Variants in ERG28 observed in about 807,000 individuals in gnomAD.
ERG28 encodes ergosterol biosynthetic protein 28 homolog.
ERG28 carries 9 observed loss-of-function variants against 15.7 expected under a neutral mutation model. The ratio of observed to expected loss-of-function variants is 0.57; its 90% confidence interval spans 0.35 to 1.00. ERG28 has a LOEUF of 1.00. ERG28 is among the 50% of genes least tolerant of loss of function. The pLI is 0.02. For synonymous variants in ERG28, 61 were observed against 68.4 expected, an observed-to-expected ratio of 0.89 and a Z score of 0.53; for missense variants, 117 against 173.3, an observed-to-expected ratio of 0.68 and a Z score of 1.82.
At chr14:75,651,983 G>A in intron 3 of ERG28, 94 bp from the exon 4 acceptor site, 1 of 1,107,896 alleles carries the variant, frequency 9.0e-7, no homozygotes, top group Non-Finnish European at 1.3e-6. Context: ...TAAGAACCCA[G>A]GATGTCATTA....
chr14:75,657,739 C>A (rs909600376), intron 1 of ERG28, among the ~76,000 whole-genome samples: 1 of 152,196 alleles, frequency 6.6e-6, no homozygotes, highest in Non-Finnish European at 1.5e-5. Flanking sequence ...ATCAGAACTC[C>A]TTTTTCTGGG....
intron 4 of ERG28, 40 bp from the exon 5 acceptor site, chr14:75,651,674 G>A (rs1012581212): frequency 8.1e-6 from 13 of 1,598,466 alleles, no homozygotes; most frequent in South Asian, 5.5e-5. Flanking sequence ...ACATACATAC[G>A]GTACCTTTCT....
chr14:75,651,918 C>G (rs1216100078), intron 3 of ERG28, 29 bp from the exon 4 acceptor site: 7 of 1,541,922 alleles, frequency 4.5e-6, no homozygotes, highest in Non-Finnish European at 6.3e-6. Context: ...AAATGGGAAC[C>G]AAAGTTACTG....
At chr14:75,659,873 C>G (rs972161341) in intron 1 of ERG28, among the ~76,000 whole-genome samples, 9 of 151,904 alleles carry the variant, frequency 5.9e-5, no homozygotes, top group Non-Finnish European at 1.2e-4. Flanking sequence ...CGCCGCCCCC[C>G]CCCGCCAACT....
Position 75,651,228 on chromosome 14 carries a change from A to G in ERG28, c.*327T>C. 4.9e-6 allele frequency: 1 copy of G among 205,404 alleles called. No homozygotes were observed. The highest frequency in any genetic ancestry group is 9.9e-5 in the South Asian group (1 of 10,106). The allele number at this position is 205,404 out of a possible 1,614,324, so 12.7% of individuals were successfully genotyped here. A position where few individuals can be genotyped will look rare whatever the true frequency, so the allele number is the denominator to read the frequency against. On this transcript the variant is annotated 3_prime_UTR_variant, in exon 5 of 5. Coordinates refer to ENST00000256319, the MANE Select transcript of ERG28 (RefSeq NM_007176.4). ...AAGTCAAATCAAGGCATGAAAATAAAAGGGAAAAAGGGGAAGGCTGGAAAA... is the reference window on the plus strand; with the variant it reads ...AAGTCAAATCAAGGCATGAAAATAAGAGGGAAAAAGGGGAAGGCTGGAAAA...
chr14:75,655,159 G>A (rs1890581810), intron 2 of ERG28, among the ~76,000 whole-genome samples, 183 bp from the exon 3 acceptor site: 1 of 152,196 alleles, frequency 6.6e-6, no homozygotes, highest in Non-Finnish European at 1.5e-5. Context: ...ATTCCAGAAT[G>A]AGAACTTCTC....
At chr14:75,654,160 A>G (rs1248159325) in intron 3 of ERG28, among the ~76,000 whole-genome samples, 1 of 152,220 alleles carries the variant, frequency 6.6e-6, no homozygotes, top group Non-Finnish European at 1.5e-5. Context: ...CTCAATAAAT[A>G]TTATCGCCTC....
At position 75,651,829 on chromosome 14, in the gene ERG28, C is replaced by A; in HGVS notation, c.285G>T (p.Leu95Phe). The A allele has an allele frequency of 6.2e-7, 1 of 1,614,172 alleles. No individual in the cohort carries two copies. The highest frequency in any genetic ancestry group is 2.2e-5 in the East Asian group (1 of 44,884). The change falls in exon 4 of 5, where the codon TTG becomes TTT. Residue 95 changes from leucine to phenylalanine, a missense_variant. Coordinates refer to ENST00000256319, the MANE Select transcript of ERG28 (RefSeq NM_007176.4). ...LLALGHFLSE[L>F]FVYGTAAPTI... ...TGGGAGCTGCAGTTCCATAGACAAA[C>A]AACTCAGAGAGGAAATGCCCCAGGG...
Position 75,654,882 on chromosome 14 carries a change from A to G in ERG28, c.224+4T>C. 6.2e-7 allele frequency: 1 copy of G among 1,609,444 alleles called. No individual in the cohort carries two copies. The stretch of plus-strand genomic sequence containing the variant: ...ATGCTAAAGCTCTTCCTTCCCTTAC[A>G]TACGTCTTGTTGTGAATGTCAATGG... On this transcript the variant is annotated splice_donor_region_variant and intron_variant, in intron 3 of 4. Transcript: ENST00000256319.
intron 1 of ERG28, 21 bp from the exon 2 acceptor site, chr14:75,657,554 A>C: frequency 6.2e-7 from 1 of 1,606,864 alleles, no homozygotes; most frequent in Non-Finnish European, 8.5e-7. Context: ...AAGGCAGAGG[A>C]CATGAGACAA....
intron 2 of ERG28, among the ~76,000 whole-genome samples, chr14:75,656,845 T>G (rs1318021417): frequency 6.6e-6 from 1 of 152,124 alleles, no homozygotes; most frequent in Non-Finnish European, 1.5e-5. Context: ...ACGGAAGACC[T>G]TGAATTAATA....
chr14:75,652,817 C>CTTTTTTTTTTTTTTTT (rs59570063), intron 3 of ERG28, among the ~76,000 whole-genome samples: 5 of 96,208 alleles, frequency 5.2e-5, no homozygotes, highest in Non-Finnish European at 7.4e-5. Flanking sequence ...ATTTTTACAC[C>CTTTTTTTTTTTTTTTT]TTTTTTTTTT....
chr14:75,657,100 A>G (rs1279819965), intron 2 of ERG28, among the ~76,000 whole-genome samples: 1 of 151,064 alleles, frequency 6.6e-6, no homozygotes, highest in Non-Finnish European at 1.5e-5. Context: ...AGCTTGGGGG[A>G]AAAAGGGTCA....
chr14:75,650,279 A>C lies in ERG28; in HGVS notation c.*1276T>G, dbSNP rs575738258. The C allele has an allele frequency of 3.3e-5, 5 of 152,316 alleles. No homozygotes were observed. Among genetic ancestry groups the C allele is most frequent in the African/African-American group, 1.2e-4 (5 of 41,562 alleles). The allele number at this position is 152,316 out of a possible 1,614,324, so 9.4% of individuals were successfully genotyped here. ...TGTGTTTGTTAGAGTTCTTATCCCT[A>C]TTTGAAGTTCTTTATTTTTGTGTTG... On this transcript the variant is annotated 3_prime_UTR_variant, in exon 5 of 5. Transcript: ENST00000256319.
Position 75,651,385 on chromosome 14 carries a change from A to G in ERG28, c.*170T>C. On this transcript the variant is annotated 3_prime_UTR_variant, in exon 5 of 5. Coordinates refer to ENST00000256319, the MANE Select transcript of ERG28 (RefSeq NM_007176.4). ...ATTCTTTAAATTGTACGTACATGTT[A>G]TATACTTTTCAGTATGCATATCTTT... The G allele has an allele frequency of 1.7e-6, 1 of 590,518 alleles. No individual in the cohort carries two copies. Among genetic ancestry groups the G allele is most frequent in the Non-Finnish European group, 3.0e-6 (1 of 338,288 alleles). 36.6% of individuals were successfully genotyped at this position (590,518 alleles called of 1,614,324 possible).
chr14:75,657,248 T>G, intron 2 of ERG28, 122 bp downstream of exon 2: 1 of 1,236,952 alleles, frequency 8.1e-7, no homozygotes, highest in Non-Finnish European at 1.1e-6. Flanking sequence ...GTGAGGGAAA[T>G]GGGTACCTGT....
chr14:75,657,402 T>G lies in ERG28; in HGVS notation c.101A>C (p.Tyr34Ser). The stretch of plus-strand genomic sequence containing the variant: ...TGGCTTGCCAGTGTAGAGCTTTTCA[T>G]AGAGAAAAGTGTGGTCTCGGAAGCT... ...LQSFRDHTFLYEKLYTGKPNL... is the reference protein window; with the variant it reads ...LQSFRDHTFLSEKLYTGKPNL... Residue 34 changes from tyrosine to serine, a missense_variant, in exon 2 of 5, where the codon TAT becomes TCT. Physicochemically the swap from Tyr to Ser is moderately radical, Grantham distance 144. Transcript: ENST00000256319. 9.3e-6 allele frequency: 15 copies of G among 1,613,588 alleles called. No individual in the cohort carries two copies. The highest frequency in any genetic ancestry group is 1.3e-5 in the Non-Finnish European group (15 of 1,179,802).
intron 2 of ERG28, among the ~76,000 whole-genome samples, chr14:75,655,295 T>TTATGTC (rs1490457455): frequency 5.9e-5 from 9 of 152,254 alleles, no homozygotes; most frequent in Non-Finnish European, 4.4e-5. Flanking sequence ...GCCTAGAGGG[T>TTATGTC]CTGGATCAGG....
intron 2 of ERG28, among the ~76,000 whole-genome samples, chr14:75,657,043 C>T (rs1477778550): frequency 4.4e-5 from 6 of 136,946 alleles, no homozygotes; most frequent in African/African-American, 1.4e-4. Flanking sequence ...TTTTTAAATA[C>T]ATGAATTGCC....
Sources: allele counts gnomAD v4.1 joint callset (sites outside exome capture counted in the v4.1 genomes callset), GRCh38; gene constraint gnomAD v4.1.1; transcripts MANE v1.5; gene names NCBI Gene and HGNC (gene_info 2026-07-23, HGNC 2026-07-21).